Variants in ARIH2 observed in about 807,000 individuals in gnomAD.
The protein encoded by ARIH2 is ariadne RBR E3 ubiquitin protein ligase 2.
ARIH2 carries 12 observed loss-of-function variants against 79.8 expected under a neutral mutation model. That is an observed-to-expected ratio of 0.15 (90% CI 0.10 to 0.24). ARIH2 has a LOEUF of 0.24. Among genes scored for constraint, ARIH2 ranks in the 10% least tolerant of loss-of-function variants. ARIH2 has a pLI of 1.00. For missense variants in ARIH2, 301 were observed against 618.3 expected, an observed-to-expected ratio of 0.49 and a Z score of 5.44; for synonymous variants, 224 against 213.9, an observed-to-expected ratio of 1.05 and a Z score of -0.41.
rs540221237 is a variant in ARIH2 at position 48,924,115 on chromosome 3, G to A, written c.-98+1304G>A. Among the ~76,000 whole-genome samples the A allele has an allele frequency of 5.3e-5, 8 of 152,244 alleles. No individual in the cohort carries two copies. The East Asian group carries it at 1.5e-3, about 29-fold the overall frequency. On this transcript the variant is annotated intron_variant, in intron 2 of 15. Transcript: ENST00000356401. ...TTTATATCTCAGACTGGGTGACAGA[G>A]TGATACTATGTCTCAGTACTCCATA...
chr3:48,959,215 C>T (rs554979095), intron 3 of ARIH2, among the ~76,000 whole-genome samples: 15 of 147,488 alleles, frequency 1.0e-4, no homozygotes, highest in Non-Finnish European at 1.5e-4. Context: ...ACTAGGGAGG[C>T]GGAGGCAGGA....
At chr3:48,959,664 A>G (rs1329510110) in intron 3 of ARIH2, among the ~76,000 whole-genome samples, 1 of 150,894 alleles carries the variant, frequency 6.6e-6, no homozygotes, top group African/African-American at 2.4e-5. Context: ...AAAAAAAAAA[A>G]AAAAAAAAAA....
At chr3:48,978,483 A>ATATATAT (rs1288556209) in intron 11 of ARIH2, among the ~76,000 whole-genome samples, 2 of 40,462 alleles carry the variant, frequency 4.9e-5, no homozygotes, top group African/African-American at 1.2e-4. Context: ...ATATATATAT[A>ATATATAT]TTTTTTTTTT....
intron 3 of ARIH2, among the ~76,000 whole-genome samples, chr3:48,941,984 C>G (rs1249487883): frequency 3.3e-5 from 5 of 151,634 alleles, no homozygotes. Context: ...CCCCCGAGTT[C>G]AGGTGACTCT....
At chr3:48,941,632 G>A (rs912773869) in intron 3 of ARIH2, among the ~76,000 whole-genome samples, 1 of 137,896 alleles carries the variant, frequency 7.3e-6, no homozygotes, top group Non-Finnish European at 1.5e-5. Context: ...TCACTCTGTC[G>A]CCCAGGCTGG....
chr3:48,933,752 C>T (rs1203302802), intron 3 of ARIH2, among the ~76,000 whole-genome samples: 7 of 151,394 alleles, frequency 4.6e-5, no homozygotes, highest in African/African-American at 1.7e-4. Flanking sequence ...GGGCTTTCAC[C>T]TTGTTTGCCA....
intron 5 of ARIH2, among the ~76,000 whole-genome samples, chr3:48,965,943 C>T (rs144597828): frequency 1.4e-5 from 2 of 145,170 alleles, no homozygotes; most frequent in Admixed American, 7.2e-5. Context: ...CCAGCCTGGG[C>T]GACAGACACT....
At chr3:48,937,535 G>A (rs1215866984) in intron 3 of ARIH2, among the ~76,000 whole-genome samples, 1 of 152,004 alleles carries the variant, frequency 6.6e-6, no homozygotes, top group Non-Finnish European at 1.5e-5. Flanking sequence ...TTGAGATAGA[G>A]GTCCATATTT....
intron 3 of ARIH2, among the ~76,000 whole-genome samples, chr3:48,955,931 A>G (rs2090517908): frequency 6.6e-6 from 1 of 152,036 alleles, no homozygotes; most frequent in Admixed American, 6.6e-5. Flanking sequence ...GTTTTTCTCC[A>G]TCTCTGTGCT....
intron 3 of ARIH2, among the ~76,000 whole-genome samples, chr3:48,932,541 A>C (rs1430673492): frequency 6.6e-6 from 1 of 152,112 alleles, no homozygotes. Context: ...AATTTTTTTC[A>C]GTTATTCAGT....
chr3:48,970,188 G>A (rs201008576), intron 7 of ARIH2, among the ~76,000 whole-genome samples: 10 of 40,356 alleles, frequency 2.5e-4, no homozygotes, highest in East Asian at 0.045. Flanking sequence ...CACCGCGCCC[G>A]GCCTTGTTAT....
In ARIH2 at chr3:48,965,216, C is replaced by T. The variant is rs543701155; in HGVS notation, c.387+234C>T. Among the ~76,000 whole-genome samples, 74 of 151,818 alleles carry T rather than the reference C, an allele frequency of 4.9e-4. 1 individual carries two copies. Among genetic ancestry groups the T allele is most frequent in the Middle Eastern group, 6.8e-3 (2 of 292 alleles). ...AAAAATACAAAAAAAAAAAATTAGC[C>T]GGATGTGGTGGCAGGCACCTGTAGT... On this transcript the variant is annotated intron_variant, in intron 5 of 15. Coordinates refer to ENST00000356401, the MANE Select transcript of ARIH2 (RefSeq NM_006321.4).
chr3:48,964,727 TTTA>T (rs1319297413), intron 4 of ARIH2, among the ~76,000 whole-genome samples, 189 bp from the exon 5 acceptor site: 2 of 152,200 alleles, frequency 1.3e-5, no homozygotes, highest in Non-Finnish European at 2.9e-5. Context: ...CTTTATATTT[TTTA>T]TTATTCCTTT....
chr3:48,938,991 C>T (rs1333234756), intron 3 of ARIH2, among the ~76,000 whole-genome samples: 1 of 144,202 alleles, frequency 6.9e-6, no homozygotes, highest in African/African-American at 2.6e-5. Flanking sequence ...TTTTTTGAGA[C>T]AGAGTGTTGC....
At chr3:48,923,087 G>A (rs1350296998) in intron 2 of ARIH2, among the ~76,000 whole-genome samples, 1 of 151,444 alleles carries the variant, frequency 6.6e-6, no homozygotes, top group Non-Finnish European at 1.5e-5. Flanking sequence ...GGCGCCTGTA[G>A]TCCCAGCTAC....
At position 48,979,560 on chromosome 3, in the gene ARIH2, C is replaced by G; in HGVS notation, c.1040C>G (p.Pro347Arg). 6.2e-7 allele frequency: 1 copy of G among 1,614,242 alleles called. No individual in the cohort carries two copies. The highest frequency in any genetic ancestry group is 8.5e-7 in the Non-Finnish European group (1 of 1,180,044). The change falls in exon 12 of 16, where the codon CCT becomes CGT. Residue 347 changes from proline to arginine, a missense_variant. Around this residue, in one of 2 missense-constraint regions of ARIH2, gnomAD observed 78 missense variants for 268.9 expected, o/e 0.29. Coordinates refer to ENST00000356401, the MANE Select transcript of ARIH2 (RefSeq NM_006321.4). Reference sequence around the variant, plus strand: ...GAGTGCAGTCGTTACAAGGAGAATCCTGACATCGTGAACCAGAGCCAACAA... The same window carrying G: ...GAGTGCAGTCGTTACAAGGAGAATCGTGACATCGTGAACCAGAGCCAACAA... The part of the protein sequence containing the change: ...YYECSRYKEN[P>R]DIVNQSQQAQ...
intron 2 of ARIH2, 185 bp from the exon 3 acceptor site, chr3:48,927,277 G>T: frequency 2.6e-6 from 1 of 382,220 alleles, no homozygotes; most frequent in Non-Finnish European, 4.8e-6. Flanking sequence ...GTCTCTCCAG[G>T]GAAGGATTTC....
At chr3:48,962,251 C>T (rs192238299) in intron 4 of ARIH2, among the ~76,000 whole-genome samples, 3 of 152,128 alleles carry the variant, frequency 2.0e-5, no homozygotes, top group Non-Finnish European at 4.4e-5. Context: ...GTGGTGCACT[C>T]CTGTAGTCCC....
At chr3:48,976,929 G>A (rs867194573) in intron 11 of ARIH2, among the ~76,000 whole-genome samples, 8 of 151,046 alleles carry the variant, frequency 5.3e-5, no homozygotes, top group South Asian at 2.1e-4. Flanking sequence ...GGCTGGGCGC[G>A]GTGGCTCACG....
Sources: gnomAD v4.1 joint callset for allele counts (sites outside exome capture counted in the v4.1 genomes callset) on GRCh38, gnomAD v4.1.1 for gene constraint, gnomAD v4.1.1 regional missense constraint, MANE v1.5 for transcripts, NCBI Gene and HGNC (gene_info 2026-07-23, HGNC 2026-07-21) for gene names.